Variants in PIKFYVE observed in about 807,000 individuals in gnomAD.
PIKFYVE encodes the protein phosphoinositide kinase, FYVE-type zinc finger containing.
Under a neutral mutation model 257.9 loss-of-function variants are expected in PIKFYVE, and 122 were observed. That is an observed-to-expected ratio of 0.47 (90% CI 0.41 to 0.55). The LOEUF (loss-of-function observed/expected upper bound fraction) is 0.55, where lower values mean the gene tolerates loss of function less well. Ranked by LOEUF, PIKFYVE falls within the 20% of genes least tolerant of loss-of-function variation. PIKFYVE has a pLI of 0.00. For synonymous variants in PIKFYVE, 892 were observed against 868.9 expected (o/e 1.03, Z -0.47); for missense variants, 2,160 against 2,536.6 (o/e 0.85, Z 3.19).
chr2:208,327,312 G>GTA (rs1361655034), intron 20 of PIKFYVE, among the ~76,000 whole-genome samples: 1 of 152,110 alleles, frequency 6.6e-6, no homozygotes, highest in African/African-American at 2.4e-5. Flanking sequence ...ACACATACAT[G>GTA]TATATACCTT....
At position 208,285,775 on chromosome 2, in the gene PIKFYVE, T is replaced by A; in HGVS notation, c.663T>A (p.Ala221=). ...TYCRKIALSY[A]HSTDSNSIGE... is the part of the protein sequence containing the mutation. Reference sequence around the variant, plus strand: ...GTAGAAAAATAGCCTTAAGTTATGCTCATTCCACAGACAGTAATTCTATTG... The same window carrying A: ...GTAGAAAAATAGCCTTAAGTTATGCACATTCCACAGACAGTAATTCTATTG... Residue 221 remains alanine (A), a synonymous_variant, in exon 6 of 42, where the codon GCT becomes GCA. Coordinates refer to ENST00000264380, the MANE Select transcript of PIKFYVE (RefSeq NM_015040.4). 6.2e-7 allele frequency: 1 copy of A among 1,614,146 alleles called. No individual in the cohort carries two copies. The highest frequency in any genetic ancestry group is 1.1e-5 in the South Asian group (1 of 91,090).
intron 3 of PIKFYVE, among the ~76,000 whole-genome samples, chr2:208,276,098 A>G (rs1300332591): frequency 2.6e-5 from 4 of 152,092 alleles, no homozygotes; most frequent in Admixed American, 6.6e-5. Flanking sequence ...AGTTTTAGCA[A>G]TTTTCTGGCA....
intron 17 of PIKFYVE, among the ~76,000 whole-genome samples, chr2:208,322,752 T>A (rs1174330780): frequency 2.6e-5 from 4 of 151,694 alleles, no homozygotes; most frequent in Non-Finnish European, 5.9e-5. Flanking sequence ...AATGTGCAGG[T>A]TTGTTACATA....
intron 13 of PIKFYVE, among the ~76,000 whole-genome samples, chr2:208,313,041 T>C (rs912083462): frequency 2.6e-5 from 4 of 152,222 alleles, no homozygotes. Flanking sequence ...CTTTATGTAA[T>C]TGAAATGTGC....
At chr2:208,270,518 C>T (rs777923611) in intron 1 of PIKFYVE, among the ~76,000 whole-genome samples, 1 of 152,022 alleles carries the variant, frequency 6.6e-6, no homozygotes, top group Non-Finnish European at 1.5e-5. Context: ...TTAAGAAGAT[C>T]TTCATCTTAA....
At position 208,326,250 on chromosome 2, in the gene PIKFYVE, A is replaced by C. The variant is rs1696908296; in HGVS notation, c.3439A>C (p.Ser1147Arg). 1 of 1,591,236 alleles carries C rather than the reference A, an allele frequency of 6.3e-7. No homozygotes were observed. Among genetic ancestry groups the C allele is most frequent in the South Asian group, 1.2e-5 (1 of 86,886 alleles). The change falls in exon 20 of 42, where the codon AGC becomes CGC. Residue 1147 changes from serine to arginine, a missense_variant. This residue lies in a region of PIKFYVE where 522 missense variants were observed against 514.6 expected (regional missense o/e 1.01). Transcript: ENST00000264380. ...RIAEHLGDSQ[S>R]LGRMLADYRA... ...TGCTGAGCATCTGGGCGATAGCCAG[A>C]GCTTGGGTAGAATGCTGGCCGATTA...
chr2:208,346,238 C>G, intron 34 of PIKFYVE, 91 bp downstream of exon 34: 2 of 1,038,456 alleles, frequency 1.9e-6, no homozygotes, highest in Non-Finnish European at 3.0e-6. Flanking sequence ...TAAGTACTAT[C>G]TGGCAATGAT....
rs368039025 is a variant in PIKFYVE, at chr2:208,271,507, T to C, written c.-9-4T>C. On this transcript the variant is annotated splice_polypyrimidine_tract_variant and splice_region_variant and intron_variant, in intron 1 of 41. Coordinates refer to ENST00000264380, the MANE Select transcript of PIKFYVE (RefSeq NM_015040.4). ...GATTTTTGCTTGTTTCTTTTGTTTT[T>C]CAGACTCATGAAATGGCCACAGATG... 1 of 1,614,116 alleles carries C rather than the reference T, an allele frequency of 6.2e-7. No homozygotes were observed. The highest frequency in any genetic ancestry group is 2.2e-5 in the East Asian group (1 of 44,872).
intron 7 of PIKFYVE, among the ~76,000 whole-genome samples, chr2:208,296,691 A>G (rs147116970): frequency 2.0e-5 from 3 of 152,312 alleles, no homozygotes; most frequent in African/African-American, 4.8e-5. Context: ...AAGAGAAACC[A>G]GAAAAGGAGA....
intron 14 of PIKFYVE, among the ~76,000 whole-genome samples, chr2:208,314,849 T>G (rs1248229887): frequency 1.3e-5 from 2 of 151,732 alleles, no homozygotes; most frequent in Non-Finnish European, 2.9e-5. Flanking sequence ...TGAGCTGAGA[T>G]CGCGCCACTG....
chr2:208,336,793 T>A, intron 27 of PIKFYVE, 45 bp from the exon 28 acceptor site: 1 of 1,348,844 alleles, frequency 7.4e-7, no homozygotes, highest in Non-Finnish European at 1.1e-6. Flanking sequence ...CTCAAGGGGC[T>A]AGAAACAAAC....
intron 10 of PIKFYVE, among the ~76,000 whole-genome samples, chr2:208,303,377 C>A (rs911298858): frequency 5.3e-5 from 8 of 151,966 alleles, no homozygotes; most frequent in African/African-American, 1.9e-4. Context: ...TGTTTGACTT[C>A]CCCAAAACTT....
intron 11 of PIKFYVE, 109 bp downstream of exon 11, chr2:208,304,427 C>A: frequency 7.1e-7 from 1 of 1,404,936 alleles, no homozygotes; most frequent in Non-Finnish European, 9.9e-7. Flanking sequence ...TTTATGGCTC[C>A]AACTAAATGG....
intron 5 of PIKFYVE, among the ~76,000 whole-genome samples, chr2:208,282,392 C>G (rs1200271856): frequency 6.6e-6 from 1 of 152,140 alleles, no homozygotes; most frequent in Non-Finnish European, 1.5e-5. Flanking sequence ...GAAACAGAAC[C>G]AGTAGGATAC....
rs187372575 is a variant in PIKFYVE at position 208,356,031 on chromosome 2, A to T, written c.*726A>T. 2 of 152,622 alleles carry T rather than the reference A, an allele frequency of 1.3e-5. No individual in the cohort carries two copies. The highest frequency in any genetic ancestry group is 1.3e-4 in the Admixed American group (2 of 15,312). The allele number at this position is 152,622 out of a possible 1,614,324, so 9.5% of individuals were successfully genotyped here. The stretch of plus-strand genomic sequence containing the variant: ...TGTTTAAAATTTTTGTGCAATTCAT[A>T]TATTAAATTGCACTTACTTGCATAC... On this transcript the variant is annotated 3_prime_UTR_variant, in exon 42 of 42. Coordinates refer to ENST00000264380, the MANE Select transcript of PIKFYVE (RefSeq NM_015040.4).
chr2:208,349,955 A>C, intron 35 of PIKFYVE, 69 bp from the exon 36 acceptor site: 3 of 1,586,746 alleles, frequency 1.9e-6, no homozygotes, highest in Non-Finnish European at 1.7e-6. Context: ...ATCAAGGAAA[A>C]AGGAAAGGAC....
At chr2:208,272,718 A>G (rs555723465) in intron 2 of PIKFYVE, among the ~76,000 whole-genome samples, 1 of 152,130 alleles carries the variant, frequency 6.6e-6, no homozygotes, top group Non-Finnish European at 1.5e-5. Context: ...CTTTAATAAT[A>G]TTAACTGAAT....
chr2:208,312,173 G>T, intron 12 of PIKFYVE, 63 bp from the exon 13 acceptor site: 1 of 1,180,684 alleles, frequency 8.5e-7, no homozygotes, highest in East Asian at 2.3e-5. Flanking sequence ...TAATTATGCT[G>T]ACATGTTATA....
At chr2:208,316,867 A>G (rs1425774492) in intron 15 of PIKFYVE, among the ~76,000 whole-genome samples, 1 of 152,204 alleles carries the variant, frequency 6.6e-6, no homozygotes, top group Non-Finnish European at 1.5e-5. Flanking sequence ...AACCTGAGAA[A>G]AACAAGCAAT....
Sources: gnomAD v4.1 joint callset for allele counts (sites outside exome capture counted in the v4.1 genomes callset) on GRCh38, gnomAD v4.1.1 for gene constraint, gnomAD v4.1.1 regional missense constraint, MANE v1.5 for transcripts, NCBI Gene and HGNC (gene_info 2026-07-23, HGNC 2026-07-21) for gene names.